RELCH: variants seen among roughly 807,000 people sequenced by gnomAD.
The protein encoded by RELCH is RAB11-binding protein RELCH.
A neutral mutation model predicts 150.3 loss-of-function variants in RELCH; 41 were observed. That is an observed-to-expected ratio of 0.27 (90% CI 0.21 to 0.35). The LOEUF (loss-of-function observed/expected upper bound fraction) is 0.35, where lower values mean the gene tolerates loss of function less well. RELCH is among the 10% of genes least tolerant of loss of function. The pLI is 1.00. For missense variants in RELCH, 1,092 were observed against 1,467.8 expected, an observed-to-expected ratio of 0.74 and a Z score of 4.18; for synonymous variants, 478 against 531.8, an observed-to-expected ratio of 0.90 and a Z score of 1.39.
In RELCH at chr18:62,188,010, G is replaced by T; in HGVS notation, c.505G>T (p.Ala169Ser). 1 of 1,583,448 alleles carries T rather than the reference G, an allele frequency of 6.3e-7. No individual in the cohort carries two copies. The highest frequency in any genetic ancestry group is 8.6e-7 in the Non-Finnish European group (1 of 1,165,110). ...CGCTGGAGGTCGGGAACCGAGTACA[G>T]CGTCGGGCGGGGGACAGCTCAGTAA... ...GGAGGREPST[A>S]SGGGQLNRAG... is the part of the protein sequence containing the mutation. Residue 169 changes from alanine to serine, a missense_variant, in exon 1 of 29, where the codon GCG becomes TCG. Around this residue, in one of 4 missense-constraint regions of RELCH, gnomAD observed 190 missense variants for 276.2 expected, o/e 0.69. Coordinates refer to ENST00000644646, the MANE Select transcript of RELCH (RefSeq NM_001346231.2).
intron 10 of RELCH, among the ~76,000 whole-genome samples, chr18:62,243,823 TAAC>T (rs2148494566): frequency 6.6e-6 from 1 of 152,212 alleles, no homozygotes; most frequent in South Asian, 2.1e-4. Flanking sequence ...TTAAATCTCT[TAAC>T]AGTTTTCGGT....
At chr18:62,195,278 C>CTGTG (rs1491143110) in intron 1 of RELCH, among the ~76,000 whole-genome samples, 5 of 113,230 alleles carry the variant, frequency 4.4e-5, no homozygotes, top group African/African-American at 1.9e-4. Context: ...TATACACACA[C>CTGTG]TCTGTGTGTG....
At chr18:62,219,784 T>C (rs2040732921) in intron 2 of RELCH, among the ~76,000 whole-genome samples, 1 of 152,084 alleles carries the variant, frequency 6.6e-6, no homozygotes, top group South Asian at 2.1e-4. Flanking sequence ...GTGTACTAGA[T>C]GTGATTCAAT....
intron 10 of RELCH, among the ~76,000 whole-genome samples, chr18:62,239,214 C>T (rs752665720): frequency 3.3e-5 from 5 of 151,938 alleles, no homozygotes; most frequent in African/African-American, 9.7e-5. Flanking sequence ...TATTTAGGTA[C>T]TTTAGGTTTC....
chr18:62,289,450 C>T (rs1165098216), intron 26 of RELCH, among the ~76,000 whole-genome samples: 3 of 152,060 alleles, frequency 2.0e-5, no homozygotes, highest in African/African-American at 7.2e-5. Flanking sequence ...GTCGAGAAGT[C>T]ATGTTTAAGG....
rs541571416 is a variant in RELCH at position 62,195,396 on chromosome 18, T to C, written c.526+7365T>C. Among the ~76,000 whole-genome samples the C allele has an allele frequency of 3.3e-5, 5 of 152,138 alleles. No individual in the cohort carries two copies. In the South Asian group the frequency reaches 1.0e-3, roughly 32 times the overall value. On this transcript the variant is annotated intron_variant, in intron 1 of 28. Coordinates refer to ENST00000644646, the MANE Select transcript of RELCH (RefSeq NM_001346231.2). ...TAGTTACATTGCAAGATAAAAATTG[T>C]GGTAATGACATTGATGAACACTGAG...
rs549016626 is a variant in RELCH, at chr18:62,227,751, A to G, written c.1154+62A>G. The G allele has an allele frequency of 2.6e-5, 19 of 725,684 alleles. No homozygotes were observed. In the South Asian group the frequency reaches 3.1e-4, roughly 12 times the overall value. 45.0% of individuals were successfully genotyped at this position (725,684 alleles called of 1,614,324 possible). On this transcript the variant is annotated intron_variant, in intron 7 of 28. Coordinates refer to ENST00000644646, the MANE Select transcript of RELCH (RefSeq NM_001346231.2). ...AGGTGTTTAAAAGTATTGGCAAGTTATGCAAATATATGAAACAATATTCCA... is the reference window on the plus strand; with the variant it reads ...AGGTGTTTAAAAGTATTGGCAAGTTGTGCAAATATATGAAACAATATTCCA...
intron 22 of RELCH, among the ~76,000 whole-genome samples, chr18:62,279,303 G>T (rs1005219416): frequency 6.6e-6 from 1 of 152,156 alleles, no homozygotes; most frequent in African/African-American, 2.4e-5. Flanking sequence ...AAATACACTT[G>T]CTATAGCACA....
rs146722190 is a variant in RELCH, at chr18:62,263,549, G to A, written c.2351-440G>A. Among the ~76,000 whole-genome samples the A allele has an allele frequency of 7.8e-3, 1,183 of 151,824 alleles. 5 individuals carry two copies. Among genetic ancestry groups the A allele is most frequent in the African/African-American group, 0.02 (827 of 41,428 alleles). On this transcript the variant is annotated intron_variant, in intron 16 of 28. Coordinates refer to ENST00000644646, the MANE Select transcript of RELCH (RefSeq NM_001346231.2). ...GGTATATCCATATGTCTATATGTCC[G>A]TTTATATATACACACACATAAAATT...
chr18:62,271,856 A>T (rs1236006406), intron 20 of RELCH, among the ~76,000 whole-genome samples: 2 of 152,106 alleles, frequency 1.3e-5, no homozygotes, highest in African/African-American at 4.8e-5. Context: ...TCCTTTCCCC[A>T]TTTCTTGTTT....
intron 22 of RELCH, among the ~76,000 whole-genome samples, chr18:62,276,431 A>T (rs573290391): frequency 6.6e-6 from 1 of 152,260 alleles, no homozygotes; most frequent in Admixed American, 6.5e-5. Context: ...AAGTGCTTAT[A>T]TGTTTACTGT....
intron 1 of RELCH, among the ~76,000 whole-genome samples, chr18:62,197,182 G>A (rs1403470325): frequency 1.3e-5 from 2 of 152,016 alleles, no homozygotes; most frequent in African/African-American, 2.4e-5. Context: ...CATATAATAG[G>A]GTGTTTCCAC....
intron 22 of RELCH, chr18:62,277,700 ACAG>A (rs2044287365): frequency 1.0e-6 from 1 of 969,844 alleles, no homozygotes; most frequent in South Asian, 4.8e-5. Flanking sequence ...TAATTTTTAG[ACAG>A]CAGGACAAAA....
intron 11 of RELCH, chr18:62,247,023 G>T (rs574664452): frequency 6.6e-6 from 1 of 152,138 alleles, no homozygotes; most frequent in Non-Finnish European, 1.5e-5. Flanking sequence ...AGAACTGGGC[G>T]TTGAGAAAAG....
intron 12 of RELCH, among the ~76,000 whole-genome samples, chr18:62,253,449 A>G (rs2042836215): frequency 6.6e-6 from 1 of 152,122 alleles, no homozygotes; most frequent in African/African-American, 2.4e-5. Flanking sequence ...TGAATTTAAA[A>G]TTCCAGTCCT....
At chr18:62,279,702 T>A in intron 22 of RELCH, 72 bp from the exon 23 acceptor site, 1 of 998,250 alleles carries the variant, frequency 1.0e-6, no homozygotes, top group Non-Finnish European at 1.5e-6. Flanking sequence ...TGTTCCTTCC[T>A]TCTTCCCGTG....
intron 28 of RELCH, chr18:62,300,303 A>C (rs1157420330): frequency 2.0e-5 from 3 of 152,202 alleles, no homozygotes; most frequent in African/African-American, 7.2e-5. Context: ...TTTTACACAT[A>C]TGATTCCGTC....
chr18:62,191,744 A>G (rs1445816552), intron 1 of RELCH, among the ~76,000 whole-genome samples: 4 of 152,224 alleles, frequency 2.6e-5, no homozygotes, highest in African/African-American at 9.6e-5. Flanking sequence ...GGCTGGCTGC[A>G]TAGTATTCCA....
chr18:62,294,395 A>T (rs1486209688), intron 27 of RELCH, among the ~76,000 whole-genome samples: 2 of 152,184 alleles, frequency 1.3e-5, no homozygotes, highest in Non-Finnish European at 2.9e-5. Flanking sequence ...TTTAGTGGAT[A>T]TAAAATTACC....
Sources: gnomAD v4.1 joint callset for allele counts (sites outside exome capture counted in the v4.1 genomes callset) on GRCh38, gnomAD v4.1.1 for gene constraint, gnomAD v4.1.1 regional missense constraint, MANE v1.5 for transcripts, NCBI Gene and HGNC (gene_info 2026-07-23, HGNC 2026-07-21) for gene names.